The following ZNFX1 variants were observed in gnomAD, a reference collection of about 807,000 sequenced individuals.
ZNFX1 encodes the protein NFX1-type zinc finger-containing protein 1.
A neutral mutation model predicts 179.8 loss-of-function variants in ZNFX1; 78 were observed. That is an observed-to-expected ratio of 0.43 (90% CI 0.36 to 0.52). The LOEUF is 0.52. ZNFX1 is among the 20% of genes least tolerant of loss of function. The pLI, the probability that ZNFX1 is intolerant of heterozygous loss-of-function variation, is 0.00. For synonymous variants in ZNFX1, 848 were observed against 868.5 expected (o/e 0.98, Z 0.42); for missense variants, 1,927 against 2,386.6 (o/e 0.81, Z 4.01).
chr20:49,268,715 G>A (rs141284679), intron 3 of ZNFX1, among the ~76,000 whole-genome samples: 130 of 151,986 alleles, frequency 8.6e-4, no homozygotes, highest in Middle Eastern at 3.4e-3. Context: ...ACATACACAT[G>A]GCCAACAAGC....
At position 49,255,829 on chromosome 20, in the gene ZNFX1, C is replaced by T. The variant is rs1980956484; in HGVS notation, c.2783G>A (p.Ser928Asn). ...GTACCTATAAAGCTGCCAGCGAGAA[C>T]TGAGGTCCAGCTGCCAAACATCCTC... ...EIEDVWQLDLSSRWQLYRLWL... is the reference protein window; with the variant it reads ...EIEDVWQLDLNSRWQLYRLWL... Residue 928 changes from serine to asparagine, a missense_variant, in exon 9 of 14, where the codon AGT becomes AAT. By Grantham distance (46) the Ser-to-Asn change is conservative (BLOSUM62 1). Transcript: ENST00000396105. 6.2e-7 allele frequency: 1 copy of T among 1,613,808 alleles called. No homozygotes were observed. The highest frequency in any genetic ancestry group is 2.2e-5 in the East Asian group (1 of 44,884).
rs1384186534 is a variant in ZNFX1, at chr20:49,266,174, C to T, written c.1963G>A (p.Val655Met). ...ISLQKFPILV[V>M]CYTNHALDQF... is the part of the protein sequence containing the mutation. ...TCCAAAGCATGATTAGTATAACACA[C>T]AACCAAGATGGGGAACTTCTGGAGG... The change falls in exon 4 of 14, where the codon GTG becomes ATG. Residue 655 changes from valine to methionine, a missense_variant. Transcript: ENST00000396105. The T allele has an allele frequency of 2.5e-6, 4 of 1,612,930 alleles. No individual in the cohort carries two copies. The highest frequency in any genetic ancestry group is 3.4e-6 in the Non-Finnish European group (4 of 1,179,640).
chr20:49,271,350 C>T lies in ZNFX1; in HGVS notation c.462G>A (p.Gln154=). 2 of 1,614,164 alleles carry T rather than the reference C, an allele frequency of 1.2e-6. No homozygotes were observed. Among genetic ancestry groups the T allele is most frequent in the Non-Finnish European group, 1.7e-6 (2 of 1,180,014 alleles). The change falls in exon 3 of 14, where the codon CAG becomes CAA. Residue 154 remains glutamine (Q), a synonymous_variant. Transcript: ENST00000396105. Reference sequence around the variant, plus strand: ...TGATGACCACCTCAGAAGGGTCTTTCTGCAGAAGACTTTCTAAGAACTTGT... The same window carrying T: ...TGATGACCACCTCAGAAGGGTCTTTTTGCAGAAGACTTTCTAAGAACTTGT... ...LGYKFLESLL[Q]KDPSEVVITL...
chr20:49,275,932 C>A (rs1981546261), intron 1 of ZNFX1, 45 bp from the exon 2 acceptor site: 2 of 1,305,410 alleles, frequency 1.5e-6, no homozygotes, highest in Non-Finnish European at 2.2e-6. Context: ...TAGCATCTAG[C>A]AGCAAAAACC....
chr20:49,275,077 C>A (rs567791108), intron 2 of ZNFX1, among the ~76,000 whole-genome samples: 7 of 151,568 alleles, frequency 4.6e-5, no homozygotes, highest in Non-Finnish European at 1.0e-4. Flanking sequence ...GAGCAGAGAT[C>A]GCGCCACTGC....
chr20:49,247,551 G>A lies in ZNFX1; in HGVS notation c.5473C>T (p.Leu1825=). 6.2e-7 allele frequency: 1 copy of A among 1,614,198 alleles called. No individual in the cohort carries two copies. Among genetic ancestry groups the A allele is most frequent in the East Asian group, 2.2e-5 (1 of 44,888 alleles). The change falls in exon 14 of 14, where the codon CTG becomes TTG. Residue 1825 remains leucine (L), a synonymous_variant. Transcript: ENST00000396105. ...ALKATLPCSG[L]GISEEERVQI... ...ACTCGCTCTTCCTCTGAGATGCCCA[G>A]GCCAGAGCAGGGAAGGGTGGCTTTC... is the stretch of plus-strand genomic sequence containing the variant.
At chr20:49,273,865 G>T (rs1286719811) in intron 2 of ZNFX1, among the ~76,000 whole-genome samples, 1 of 152,170 alleles carries the variant, frequency 6.6e-6, no homozygotes, top group African/African-American at 2.4e-5. Flanking sequence ...GGGAGGTCGG[G>T]GCTGCAGTAA....
Position 49,270,213 on chromosome 20 carries a change from C to T in ZNFX1, c.1599G>A (p.Gln533=), listed in dbSNP as rs749619371. 1 of 1,614,050 alleles carries T rather than the reference C, an allele frequency of 6.2e-7. No individual in the cohort carries two copies. The highest frequency in any genetic ancestry group is 2.2e-5 in the East Asian group (1 of 44,886). Residue 533 remains glutamine (Q), a synonymous_variant, in exon 3 of 14, where the codon CAG becomes CAA. Transcript: ENST00000396105. The surrounding 1 kb of genome is among the most constrained non-coding windows in gnomAD (Gnocchi z 4.6). The stretch of plus-strand genomic sequence containing the variant: ...GAGAGTTACACTCCACGATATTCCT[C>T]TGGAAGGGAACATCTTCCTCCTGGA... ...QEVQEEDVPF[Q]RNIVECNSHV...
Position 49,252,801 on chromosome 20 carries a change from C to T in ZNFX1, c.3135G>A (p.Leu1045=). 6.2e-7 allele frequency: 1 copy of T among 1,614,082 alleles called. No homozygotes were observed. The highest frequency in any genetic ancestry group is 8.5e-7 in the Non-Finnish European group (1 of 1,179,996). The part of the protein sequence containing the change: ...QLRPSANVYD[L]AKNFNLEVSL... ...ACACCTCAAGGTTGAAGTTCTTGGC[C>T]AGATCATACACGTTGGCACTGGGGC... The change falls in exon 12 of 14, where the codon CTG becomes CTA. Residue 1045 remains leucine, a synonymous_variant. Coordinates refer to ENST00000396105, the MANE Select transcript of ZNFX1 (RefSeq NM_021035.3).
intron 7 of ZNFX1, 72 bp downstream of exon 7, chr20:49,260,391 T>G: frequency 1.0e-6 from 1 of 977,148 alleles, no homozygotes; most frequent in Non-Finnish European, 1.5e-6. Context: ...GAATTATTTT[T>G]AAGTCTCACT....
rs767247381 is a variant in ZNFX1, at chr20:49,248,033, A to T, written c.4991T>A (p.Leu1664His). 5.6e-6 allele frequency: 9 copies of T among 1,614,066 alleles called. No individual in the cohort carries two copies. The Admixed American group carries it at 1.3e-4, about 24-fold the overall frequency. ...AGEIATSQERLKALLERKSLL... is the reference protein window; with the variant it reads ...AGEIATSQERHKALLERKSLL... ...GCTCTTCCTCTCCAGCAGGGCCTTA[A>T]GCCGTTCCTGGCTGGTTGCTATTTC... The change falls in exon 14 of 14, where the codon CTT becomes CAT. Residue 1664 changes from leucine to histidine, a missense_variant. Coordinates refer to ENST00000396105, the MANE Select transcript of ZNFX1 (RefSeq NM_021035.3). This position sits in a 1 kb window ranked among gnomAD's most constrained non-coding sequence, Gnocchi z 4.6.
chr20:49,251,061 A>AG (rs1274077422), intron 13 of ZNFX1, among the ~76,000 whole-genome samples: 2 of 151,778 alleles, frequency 1.3e-5, no homozygotes, highest in Non-Finnish European at 2.9e-5. Context: ...CAGAATTGGG[A>AG]TTAAAAAACC....
intron 11 of ZNFX1, 36 bp downstream of exon 11, chr20:49,253,630 G>A: frequency 6.2e-7 from 1 of 1,612,624 alleles, no homozygotes; most frequent in East Asian, 2.2e-5. Flanking sequence ...CCCCCACGGA[G>A]AGCCAGCCCA....
At chr20:49,253,353 A>C (rs1980890960) in intron 11 of ZNFX1, among the ~76,000 whole-genome samples, 1 of 152,150 alleles carries the variant, frequency 6.6e-6, no homozygotes, top group Non-Finnish European at 1.5e-5. Flanking sequence ...CTTTATGTAG[A>C]GTGCATTAAA....
intron 11 of ZNFX1, 135 bp from the exon 12 acceptor site, chr20:49,252,965 G>T: frequency 1.5e-6 from 1 of 672,442 alleles, no homozygotes. Flanking sequence ...CATACTCACA[G>T]TTTAAGGATT....
intron 12 of ZNFX1, among the ~76,000 whole-genome samples, chr20:49,251,950 C>T (rs1373264701): frequency 2.0e-5 from 3 of 151,624 alleles, no homozygotes; most frequent in African/African-American, 7.3e-5. Flanking sequence ...CTGCCTCAGC[C>T]TTCCAAAAGT....
intron 6 of ZNFX1, among the ~76,000 whole-genome samples, chr20:49,261,562 T>C (rs949647906): frequency 2.0e-5 from 3 of 151,540 alleles, no homozygotes; most frequent in African/African-American, 7.3e-5. Context: ...GGGTGGAGGA[T>C]GGGAGGAGGG....
In ZNFX1 at chr20:49,253,717, G is replaced by T; in HGVS notation, c.3054C>A (p.Ala1018=). The stretch of plus-strand genomic sequence containing the variant: ...GGTGCTGGCAAGCTTTGCTCAATGT[G>T]GCAATGGTATGGGCCTCAAGGACTT... ...AAEVLEAHTI[A]TLSKACQHLI... The change falls in exon 11 of 14, where the codon GCC becomes GCA. Residue 1018 remains alanine, a synonymous_variant. Transcript: ENST00000396105. 4 of 1,614,184 alleles carry T rather than the reference G, an allele frequency of 2.5e-6. No homozygotes were observed. Among genetic ancestry groups the T allele is most frequent in the Non-Finnish European group, 3.4e-6 (4 of 1,180,044 alleles).
At chr20:49,273,431 C>T (rs763681488) in intron 2 of ZNFX1, among the ~76,000 whole-genome samples, 3 of 151,900 alleles carry the variant, frequency 2.0e-5, no homozygotes, top group Admixed American at 6.6e-5. Context: ...CGTGCCCAGC[C>T]GAGACTTTAA....
Sources: gnomAD v4.1 joint callset for allele counts (sites outside exome capture counted in the v4.1 genomes callset) on GRCh38, gnomAD v4.1.1 for gene constraint, Gnocchi (gnomAD v3.1) non-coding constraint, MANE v1.5 for transcripts, NCBI Gene and HGNC (gene_info 2026-07-23, HGNC 2026-07-21) for gene names.